KAZN: variants seen among roughly 807,000 people sequenced by gnomAD.
The protein encoded by KAZN is kazrin, periplakin interacting protein, also known as kazrin.
Under a neutral mutation model 87.4 loss-of-function variants are expected in KAZN, and 40 were observed. The ratio of observed to expected loss-of-function variants is 0.46; its 90% CI spans 0.36 to 0.60. KAZN has a LOEUF of 0.60. KAZN is among the 20% of genes least tolerant of loss of function. The pLI is 0.00. For missense variants in KAZN, 898 were observed against 1,073.9 expected (o/e 0.84, Z 2.29); for synonymous variants, 466 against 458.3 (o/e 1.02, Z -0.22).
chr1:14,513,575 C>G (rs1487412344), intron 2 of KAZN, among the ~76,000 whole-genome samples: 1 of 152,138 alleles, frequency 6.6e-6, no homozygotes, highest in East Asian at 1.9e-4. Flanking sequence ...GAATCAGATT[C>G]ATGAAATAGA....
At chr1:14,430,767 C>A (rs1325130655) in intron 2 of KAZN, among the ~76,000 whole-genome samples, 3 of 152,212 alleles carry the variant, frequency 2.0e-5, no homozygotes, top group Non-Finnish European at 4.4e-5. Flanking sequence ...GAAGTGACTT[C>A]ACAGAGAGGA....
At chr1:13,947,330 C>T (rs770204908) in intron 1 of KAZN, among the ~76,000 whole-genome samples, 1 of 152,108 alleles carries the variant, frequency 6.6e-6, no homozygotes, top group Non-Finnish European at 1.5e-5. Context: ...ACTCGGGTAG[C>T]AAGAGGCAAA....
Position 13,976,724 on chromosome 1 carries a change from CA to C in KAZN, c.91+82969del, listed in dbSNP as rs550898489. Among the ~76,000 whole-genome samples, 322 of 152,144 alleles carry C rather than the reference CA, an allele frequency of 2.1e-3. 1 individual carries two copies. Among genetic ancestry groups the C allele is most frequent in the Non-Finnish European group, 3.5e-3 (240 of 67,980 alleles). On this transcript the variant is annotated intron_variant, in intron 1 of 16. Coordinates refer to the KAZN transcript ENST00000636203. The stretch of plus-strand genomic sequence containing the variant: ...TCAATAACAGATGTCTTTTTAAGAA[CA>C]GGCACTTAAAAAGAAGTGTGTATCG...
chr1:14,323,956 G>A (rs2100847555), intron 2 of KAZN, among the ~76,000 whole-genome samples: 1 of 152,268 alleles, frequency 6.6e-6, no homozygotes, highest in East Asian at 1.9e-4. Flanking sequence ...GGATTCATGA[G>A]GCTCTGTATT....
intron 2 of KAZN, among the ~76,000 whole-genome samples, chr1:14,470,538 T>C (rs1346064503): frequency 6.6e-6 from 1 of 152,172 alleles, no homozygotes; most frequent in Admixed American, 6.5e-5. Flanking sequence ...GTGAAGAGTT[T>C]TTTCTCTTAG....
At chr1:14,406,090 TAAAG>T (rs1306666305) in intron 2 of KAZN, among the ~76,000 whole-genome samples, 2 of 152,106 alleles carry the variant, frequency 1.3e-5, no homozygotes, top group African/African-American at 2.4e-5. Context: ...TGAAATAACA[TAAAG>T]AATGTAATTG....
At chr1:14,563,804 G>A (rs1294351142) in intron 2 of KAZN, among the ~76,000 whole-genome samples, 2 of 150,010 alleles carry the variant, frequency 1.3e-5, no homozygotes, top group African/African-American at 4.9e-5. Context: ...AGTTTTGCTT[G>A]TGTATTTCCA....
intron 2 of KAZN, among the ~76,000 whole-genome samples, chr1:14,451,137 C>T (rs779498394): frequency 1.3e-5 from 2 of 152,104 alleles, no homozygotes; most frequent in African/African-American, 2.4e-5. Flanking sequence ...CATGCAGAAC[C>T]ACGAGCCAAT....
At chr1:14,731,838 A>G (rs933677421) in intron 1 of KAZN, among the ~76,000 whole-genome samples, 1 of 152,192 alleles carries the variant, frequency 6.6e-6, no homozygotes, top group Non-Finnish European at 1.5e-5. Flanking sequence ...CCTGGTCTGT[A>G]GAAGGAGGAT....
At chr1:14,732,999 T>G (rs1243881240) in intron 1 of KAZN, among the ~76,000 whole-genome samples, 1 of 152,074 alleles carries the variant, frequency 6.6e-6, no homozygotes, top group Non-Finnish European at 1.5e-5. Flanking sequence ...GCAGAAGAGT[T>G]TGCTGCATGA....
chr1:14,954,062 T>G (rs1412405945), intron 1 of KAZN, among the ~76,000 whole-genome samples: 1 of 152,204 alleles, frequency 6.6e-6, no homozygotes, highest in South Asian at 2.1e-4. Context: ...TTCCTCTGAG[T>G]GGGTACACCA....
chr1:14,897,873 C>T (rs1655435828), intron 1 of KAZN, among the ~76,000 whole-genome samples: 1 of 152,224 alleles, frequency 6.6e-6, no homozygotes. Context: ...GAACCGCTTG[C>T]TGAAACTAAC....
At chr1:14,531,325 G>A (rs1018032954) in intron 2 of KAZN, among the ~76,000 whole-genome samples, 1 of 152,148 alleles carries the variant, frequency 6.6e-6, no homozygotes, top group Admixed American at 6.5e-5. Flanking sequence ...CCATATACTG[G>A]AGATCCCATG....
intron 1 of KAZN, among the ~76,000 whole-genome samples, chr1:14,855,538 G>A (rs1013251228): frequency 1.3e-5 from 2 of 152,204 alleles, no homozygotes; most frequent in Admixed American, 6.5e-5. Flanking sequence ...GATGGGTCGG[G>A]TCACTGATGT....
chr1:14,853,931 A>C (rs1185473939), intron 1 of KAZN, among the ~76,000 whole-genome samples: 1 of 152,194 alleles, frequency 6.6e-6, no homozygotes, highest in African/African-American at 2.4e-5. Flanking sequence ...GTCAGCATGA[A>C]GTGAGAGGAG....
rs372872895 is a variant in KAZN at position 14,915,831 on chromosome 1, G to A, written c.227-44853G>A. ...GTGGCTTGGCGGGTTGAATGAGCCGGAAAGCACAGTCCCTGGACTGATGTC... is the reference window on the plus strand; with the variant it reads ...GTGGCTTGGCGGGTTGAATGAGCCGAAAAGCACAGTCCCTGGACTGATGTC... On this transcript the variant is annotated intron_variant, in intron 1 of 14. Coordinates refer to ENST00000376030, the MANE Select transcript of KAZN (RefSeq NM_201628.3). Among the ~76,000 whole-genome samples, 220 of 152,252 alleles carry A rather than the reference G, an allele frequency of 1.4e-3. 8 individuals are homozygous for A. The South Asian group carries it at 0.044, about 31-fold the overall frequency.
chr1:13,918,154 A>G (rs1229235925), intron 1 of KAZN, among the ~76,000 whole-genome samples: 5 of 152,242 alleles, frequency 3.3e-5, no homozygotes, highest in Non-Finnish European at 7.3e-5. Flanking sequence ...TGTCACAGAT[A>G]GTGATTCCTC....
chr1:14,411,525 A>AC (rs1447623381), intron 2 of KAZN, among the ~76,000 whole-genome samples: 1 of 152,180 alleles, frequency 6.6e-6, no homozygotes, highest in African/African-American at 2.4e-5. Context: ...TGAACTCCTT[A>AC]CCTCAAATGA....
intron 2 of KAZN, among the ~76,000 whole-genome samples, chr1:14,526,005 G>C (rs1424715909): frequency 6.6e-6 from 1 of 152,136 alleles, no homozygotes; most frequent in Non-Finnish European, 1.5e-5. Flanking sequence ...CTGGTACCTA[G>C]GGAATCCTCA....
Sources: gnomAD v4.1 joint callset for allele counts (sites outside exome capture counted in the v4.1 genomes callset) on GRCh38, gnomAD v4.1.1 for gene constraint, MANE v1.5 for transcripts, NCBI Gene and HGNC (gene_info 2026-07-23, HGNC 2026-07-21) for gene names.